Variants in RAD51B observed in about 807,000 individuals in gnomAD.
The protein encoded by RAD51B is RAD51 paralog B, also known as DNA repair protein RAD51 homolog 2.
In RAD51B, 38 loss-of-function variants were observed where a neutral mutation model predicts 42.2. That is an observed-to-expected ratio of 0.90 (90% confidence interval 0.70 to 1.18). The LOEUF is 1.18. RAD51B is among the 50% of genes most tolerant of loss of function. The pLI, the probability that RAD51B is intolerant of heterozygous loss-of-function variation, is 0.00. For missense variants in RAD51B, 373 were observed against 400.7 expected, an observed-to-expected ratio of 0.93 and a Z score of 0.59; for synonymous variants, 154 against 145.2, an observed-to-expected ratio of 1.06 and a Z score of -0.43.
intron 7 of RAD51B, among the ~76,000 whole-genome samples, chr14:68,065,537 C>T (rs1045436427): frequency 7.9e-5 from 12 of 152,110 alleles, no homozygotes; most frequent in African/African-American, 2.9e-4. Flanking sequence ...GATTGGCCAT[C>T]GGAATGGCTT....
intron 7 of RAD51B, among the ~76,000 whole-genome samples, chr14:68,010,749 G>A (rs1185401762): frequency 1.3e-5 from 2 of 151,738 alleles, no homozygotes; most frequent in Admixed American, 1.3e-4. Flanking sequence ...TTTGGAGAAA[G>A]GTAGAATTTA....
At chr14:68,303,553 TA>T in intron 8 of RAD51B, among the ~76,000 whole-genome samples, 1 of 152,200 alleles carries the variant, frequency 6.6e-6, no homozygotes, top group South Asian at 2.1e-4. Flanking sequence ...ATTTACAGGT[TA>T]GGGGGATGGA....
intron 10 of RAD51B, among the ~76,000 whole-genome samples, chr14:68,484,168 C>T (rs1443654777): frequency 1.3e-5 from 2 of 152,150 alleles, no homozygotes. Flanking sequence ...CACCCTGTTT[C>T]CTGCCTAAAA....
intron 10 of RAD51B, chr14:68,541,392 T>G: frequency 1.0e-6 from 1 of 985,452 alleles, no homozygotes; most frequent in Non-Finnish European, 1.2e-6. Flanking sequence ...GAAGCACATC[T>G]TATATGCACA....
At chr14:68,023,922 A>G (rs2075909276) in intron 7 of RAD51B, among the ~76,000 whole-genome samples, 1 of 152,182 alleles carries the variant, frequency 6.6e-6, no homozygotes, top group Non-Finnish European at 1.5e-5. Context: ...TTCTTTGCCC[A>G]GGTTGATATC....
rs113422627 is a variant in RAD51B at position 68,487,000 on chromosome 14, G to C, written c.1036+18750G>C. Reference sequence around the variant, plus strand: ...ACCTTCTCTTAGTACGTATTCACATGGCCTTGGATGTTAGGTGACTGCCTG... The same window carrying C: ...ACCTTCTCTTAGTACGTATTCACATCGCCTTGGATGTTAGGTGACTGCCTG... On this transcript the variant is annotated intron_variant, in intron 10 of 10. Transcript: ENST00000487270. Among the ~76,000 whole-genome samples the C allele has an allele frequency of 4.9e-4, 74 of 152,178 alleles. 1 individual carries two copies. The highest frequency in any genetic ancestry group is 8.5e-4 in the Non-Finnish European group (58 of 68,022).
At chr14:67,865,652 T>A (rs1566931445) in intron 5 of RAD51B, among the ~76,000 whole-genome samples, 1 of 150,944 alleles carries the variant, frequency 6.6e-6, no homozygotes, top group Admixed American at 6.6e-5. Flanking sequence ...GATTCTCCTG[T>A]CTCAGCCTCC....
At chr14:68,399,566 A>G (rs1004478751) in intron 8 of RAD51B, among the ~76,000 whole-genome samples, 2 of 152,114 alleles carry the variant, frequency 1.3e-5, no homozygotes, top group African/African-American at 4.8e-5. Context: ...TCTTTACCTG[A>G]TTTTTAACAC....
chr14:68,497,186 G>A lies in RAD51B; in HGVS notation c.1036+28936G>A, dbSNP rs370208572. The stretch of plus-strand genomic sequence containing the variant: ...CTGTTCATCTTGCCAAGAAAAATCC[G>A]CTTTTCTGCCACAGAAACAAAATAT... On this transcript the variant is annotated intron_variant, in intron 10 of 10. Coordinates refer to the RAD51B transcript ENST00000487270. 34 of 1,390,468 alleles carry A rather than the reference G, an allele frequency of 2.4e-5. No homozygotes were observed. The African/African-American group carries it at 2.9e-4, about 12-fold the overall frequency. 86.1% of individuals were successfully genotyped at this position (1,390,468 alleles called of 1,614,324 possible).
Position 68,637,347 on chromosome 14 carries a change from G to A in RAD51B, c.1037-13434G>A, listed in dbSNP as rs981921916. The stretch of plus-strand genomic sequence containing the variant: ...TCCCACTTTAGCCTCTCAAATTTCC[G>A]GGATTGCAAGCATGAGCCACCTCAC... On this transcript the variant is annotated intron_variant, in intron 10 of 11. Coordinates refer to the RAD51B transcript ENST00000488612. 3.9e-5 allele frequency among the ~76,000 whole-genome samples: 6 copies of A among 152,220 alleles called. No individual in the cohort carries two copies. In the East Asian group the frequency reaches 7.7e-4, roughly 20 times the overall value.
intron 7 of RAD51B, among the ~76,000 whole-genome samples, chr14:68,096,179 C>T (rs893041211): frequency 1.3e-5 from 2 of 152,102 alleles, no homozygotes; most frequent in Non-Finnish European, 2.9e-5. Flanking sequence ...CATTACGCTC[C>T]TCAATCTTTG....
chr14:67,862,596 C>T lies in RAD51B; in HGVS notation c.316-2407C>T, dbSNP rs757802224. ...CAAGTAGTAATTTAGTTAAGTCCAA[C>T]AAATGATGTATTTCTTTAATTTCAA... On this transcript the variant is annotated intron_variant, in intron 4 of 10. Transcript: ENST00000471583. Among the ~76,000 whole-genome samples, 54 of 152,118 alleles carry T rather than the reference C, an allele frequency of 3.5e-4. 1 individual carries two copies. The highest frequency in any genetic ancestry group is 2.9e-3 in the Admixed American group (45 of 15,274).
chr14:68,547,018 G>A (rs2140376589), intron 10 of RAD51B, among the ~76,000 whole-genome samples: 1 of 152,322 alleles, frequency 6.6e-6, no homozygotes, highest in Middle Eastern at 3.4e-3. Flanking sequence ...ATTTCATGAT[G>A]TTCTCAGCTT....
At chr14:68,574,324 G>A (rs1889861690) in intron 10 of RAD51B, among the ~76,000 whole-genome samples, 1 of 152,158 alleles carries the variant, frequency 6.6e-6, no homozygotes, top group South Asian at 2.1e-4. Flanking sequence ...CTAGGCTCAA[G>A]CGATCCACCC....
chr14:67,864,903 T>G (rs1566930603), intron 4 of RAD51B, 100 bp from the exon 5 acceptor site: 5 of 1,420,810 alleles, frequency 3.5e-6, no homozygotes, highest in African/African-American at 1.4e-5. Flanking sequence ...GGACTGCATA[T>G]ATGGCAAAGT....
At chr14:68,648,174 CGT>C (rs1491524620) in intron 10 of RAD51B, among the ~76,000 whole-genome samples, 8 of 117,900 alleles carry the variant, frequency 6.8e-5, no homozygotes, top group Non-Finnish European at 1.5e-4. Flanking sequence ...TATATACACA[CGT>C]ATATATATAT....
chr14:68,143,201 C>G (rs1392592810), intron 7 of RAD51B, among the ~76,000 whole-genome samples: 2 of 152,126 alleles, frequency 1.3e-5, no homozygotes, highest in Non-Finnish European at 2.9e-5. Context: ...ATTAGTGTCC[C>G]CATCTGTAAA....
chr14:67,964,028 G>C (rs984283632), intron 7 of RAD51B, among the ~76,000 whole-genome samples: 3 of 151,786 alleles, frequency 2.0e-5, no homozygotes, highest in Admixed American at 2.0e-4. Context: ...TGAGACTTGA[G>C]TGCACATCTC....
intron 8 of RAD51B, among the ~76,000 whole-genome samples, chr14:68,298,022 C>T (rs1039314968): frequency 6.6e-5 from 10 of 152,212 alleles, no homozygotes; most frequent in African/African-American, 1.9e-4. Flanking sequence ...CAAGGGCACA[C>T]GCCGGCCAGT....
Sources: gnomAD v4.1 joint callset for allele counts (sites outside exome capture counted in the v4.1 genomes callset) on GRCh38, gnomAD v4.1.1 for gene constraint, MANE v1.5 for transcripts, NCBI Gene and HGNC (gene_info 2026-07-23, HGNC 2026-07-21) for gene names.